AQP2: variants seen among roughly 807,000 people sequenced by gnomAD.
AQP2 encodes the protein aquaporin-2.
In AQP2, 20 loss-of-function variants were observed where a neutral mutation model predicts 21.6. That is an observed-to-expected ratio of 0.92 (90% CI 0.65 to 1.34). The LOEUF is 1.34. AQP2 is among the 40% of genes most tolerant of loss of function. The probability of loss-of-function intolerance (pLI) is 0.00; values close to 1 mark genes in which losing one functional copy is unlikely to be tolerated. For synonymous variants in AQP2, 168 were observed against 166.9 expected, an observed-to-expected ratio of 1.01 and a Z score of -0.05; for missense variants, 325 against 363.4, an observed-to-expected ratio of 0.89 and a Z score of 0.86.
In AQP2 at chr12:49,955,755, C is replaced by T; in HGVS notation, c.*147C>T. ...CTGGACGTGCGCGCCCAGGCCAGTG[C>T]TGTGAGCAGGCGGGGAGGAGGCTGC... On this transcript the variant is annotated 3_prime_UTR_variant, in exon 4 of 4. Transcript: ENST00000199280. 2 of 1,115,928 alleles carry T rather than the reference C, an allele frequency of 1.8e-6. No homozygotes were observed. The highest frequency in any genetic ancestry group is 1.3e-6 in the Non-Finnish European group (1 of 766,502). 69.1% of individuals were successfully genotyped at this position (1,115,928 alleles called of 1,614,324 possible). A position where few individuals can be genotyped will look rare whatever the true frequency, so the allele number is the denominator to read the frequency against.
chr12:49,950,780 G>C lies in AQP2; in HGVS notation c.-51G>C. 3.2e-6 allele frequency: 5 copies of C among 1,585,428 alleles called. No homozygotes were observed. Among genetic ancestry groups the C allele is most frequent in the Non-Finnish European group, 4.3e-6 (5 of 1,163,164 alleles). ...CGATAGAGTGCGAGAGCGAGTGCCC[G>C]GAGCATCCTGGCCCTGAGACAGCTG... On this transcript the variant is annotated 5_prime_UTR_variant, in exon 1 of 4. Coordinates refer to ENST00000199280, the MANE Select transcript of AQP2 (RefSeq NM_000486.6).
rs1305584258 is a variant in AQP2, at chr12:49,955,790, C to T, written c.*182C>T. 1.2e-5 allele frequency: 10 copies of T among 857,076 alleles called. No homozygotes were observed. The highest frequency in any genetic ancestry group is 1.9e-5 in the Non-Finnish European group (10 of 529,812). 53.1% of individuals were successfully genotyped at this position (857,076 alleles called of 1,614,324 possible). On this transcript the variant is annotated 3_prime_UTR_variant, in exon 4 of 4. Coordinates refer to ENST00000199280, the MANE Select transcript of AQP2 (RefSeq NM_000486.6). ...GCGGGGAGGAGGCTGCCGGAGGGAG[C>T]CCTGAGCCTGGCAGGTCCCCTGCCC...
chr12:49,955,584 C>G lies in AQP2; in HGVS notation c.792C>G (p.Ser264Arg). ...CGGTGGAGCTGCACTCGCCGCAGAGCCTGCCACGGGGTACCAAGGCCTGAG... is the reference window on the plus strand; with the variant it reads ...CGGTGGAGCTGCACTCGCCGCAGAGGCTGCCACGGGGTACCAAGGCCTGAG... Reference protein sequence around the residue: ...RQSVELHSPQSLPRGTKA With the variant: ...RQSVELHSPQRLPRGTKA Residue 264 changes from serine to arginine, a missense_variant, in exon 4 of 4, where the codon AGC becomes AGG. Physicochemically the swap from Ser to Arg is moderately radical, Grantham distance 110 (BLOSUM62 -1). Transcript: ENST00000199280. 1 of 1,580,216 alleles carries G rather than the reference C, an allele frequency of 6.3e-7. No homozygotes were observed. The highest frequency in any genetic ancestry group is 1.8e-5 in the Admixed American group (1 of 56,648).
In AQP2 at chr12:49,951,144, A is replaced by G; in HGVS notation, c.314A>G (p.His105Arg). The change falls in exon 1 of 4, where the codon CAT (histidine) becomes CGT (arginine). Residue 105 changes from histidine (H) to arginine (R), a missense_variant. Physicochemically the swap from His to Arg is conservative, Grantham distance 29 (BLOSUM62 0). Coordinates refer to ENST00000199280, the MANE Select transcript of AQP2 (RefSeq NM_000486.6). ...LGAVAGAALL[H>R]EITPADIRGD... ...GCTGTGGCCGGAGCCGCTCTGCTCC[A>G]TGAGATCACGCCAGCAGACATCCGC... The G allele has an allele frequency of 1.2e-6, 2 of 1,606,242 alleles. No individual in the cohort carries two copies. The highest frequency in any genetic ancestry group is 1.7e-6 in the Non-Finnish European group (2 of 1,174,950).
In AQP2 at chr12:49,954,621, C is replaced by A. The variant is rs1802856595; in HGVS notation, c.526-9C>A. On this transcript the variant is annotated splice_polypyrimidine_tract_variant and intron_variant, in intron 2 of 3. Coordinates refer to ENST00000199280, the MANE Select transcript of AQP2 (RefSeq NM_000486.6). ...CCCTTCTCTCTTTGATGCCCTCCTC[C>A]CACTGCAGATCCATTACACCGGCTG... is the stretch of plus-strand genomic sequence containing the variant. The A allele has an allele frequency of 6.2e-7, 1 of 1,613,998 alleles. No homozygotes were observed. The highest frequency in any genetic ancestry group is 8.5e-7 in the Non-Finnish European group (1 of 1,179,934).
chr12:49,951,351 C>G (rs536384802), intron 1 of AQP2, among the ~76,000 whole-genome samples, 161 bp downstream of exon 1: 1 of 152,244 alleles, frequency 6.6e-6, no homozygotes, highest in South Asian at 2.1e-4. Context: ...ATAGGAGGGT[C>G]AGGATGAAAG....
intron 1 of AQP2, among the ~76,000 whole-genome samples, chr12:49,952,937 A>G (rs1019730248): frequency 1.3e-5 from 2 of 152,214 alleles, no homozygotes; most frequent in African/African-American, 4.8e-5. Flanking sequence ...GTACAACGCT[A>G]TAAGGGAAAT....
intron 2 of AQP2, 43 bp from the exon 3 acceptor site, chr12:49,954,587 T>G: frequency 6.2e-7 from 1 of 1,605,432 alleles, no homozygotes; most frequent in Non-Finnish European, 8.5e-7. Flanking sequence ...TCCTGCCCTG[T>G]CCTCACCTCC....
chr12:49,952,183 C>G (rs915477287), intron 1 of AQP2: 2 of 152,236 alleles, frequency 1.3e-5, no homozygotes, highest in African/African-American at 4.8e-5. Flanking sequence ...GGCTGGAGTG[C>G]AATGGTACAA....
At chr12:49,953,530 C>A (rs1289652756) in intron 1 of AQP2, among the ~76,000 whole-genome samples, 1 of 152,172 alleles carries the variant, frequency 6.6e-6, no homozygotes, top group Non-Finnish European at 1.5e-5. Flanking sequence ...CCCCAACCTC[C>A]ATAGGATGTG....
chr12:49,955,861 GA>G lies in AQP2; in HGVS notation c.*255del. 1.5e-6 allele frequency: 1 copy of G among 648,954 alleles called. No homozygotes were observed. Among genetic ancestry groups the G allele is most frequent in the Non-Finnish European group, 2.8e-6 (1 of 361,642 alleles). The allele number at this position is 648,954 out of a possible 1,614,324, so 40.2% of individuals were successfully genotyped here. On this transcript the variant is annotated 3_prime_UTR_variant, in exon 4 of 4. Coordinates refer to ENST00000199280, the MANE Select transcript of AQP2 (RefSeq NM_000486.6). ...GGTGGCTTCTCCAGCCTTTTTCAGG[GA>G]ACTGGGAACTTAGGGGACTGAGCTG...
rs1650524441 is a variant in AQP2, at chr12:49,954,577, T to C, written c.526-53T>C. ...AGCACTGCAGTGCGGGACAAGGACTTCCTGCCCTGTCCTCACCTCCCTTCT... is the reference window on the plus strand; with the variant it reads ...AGCACTGCAGTGCGGGACAAGGACTCCCTGCCCTGTCCTCACCTCCCTTCT... On this transcript the variant is annotated intron_variant, in intron 2 of 3. Transcript: ENST00000199280. 1.9e-6 allele frequency: 3 copies of C among 1,589,818 alleles called. 1 individual carries two copies. In the South Asian group the frequency reaches 3.3e-5, roughly 18 times the overall value.
intron 3 of AQP2, 102 bp from the exon 4 acceptor site, chr12:49,955,297 C>T: frequency 6.9e-6 from 8 of 1,157,928 alleles, no homozygotes; most frequent in Middle Eastern, 2.8e-4. Context: ...AGATTAATGT[C>T]GGGGAGGAGA....
Position 49,956,076 on chromosome 12 carries a change from G to C in AQP2, c.*468G>C, listed in dbSNP as rs1947368113. 4.2e-6 allele frequency: 1 copy of C among 238,502 alleles called. No individual in the cohort carries two copies. Among genetic ancestry groups the C allele is most frequent in the African/African-American group, 2.3e-5 (1 of 43,824 alleles). 14.8% of individuals were successfully genotyped at this position (238,502 alleles called of 1,614,324 possible). A position where few individuals can be genotyped will look rare whatever the true frequency, so the allele number is the denominator to read the frequency against. On this transcript the variant is annotated 3_prime_UTR_variant, in exon 4 of 4. Transcript: ENST00000199280. Reference sequence around the variant, plus strand: ...TGCAGAGTTGTGCATGCCCCTGAGTGTGAACAGGTTTGCCTACGTTGGTGC... The same window carrying C: ...TGCAGAGTTGTGCATGCCCCTGAGTCTGAACAGGTTTGCCTACGTTGGTGC...
In AQP2 at chr12:49,954,191, G is replaced by A; in HGVS notation, c.397G>A (p.Val133Met). 1.9e-6 allele frequency: 3 copies of A among 1,601,414 alleles called. No individual in the cohort carries two copies. The highest frequency in any genetic ancestry group is 1.7e-6 in the Non-Finnish European group (2 of 1,179,954). ...CACGACGGCTGGCCAGGCGGTGACTGTGGAGCTCTTCCTGACACTGCAGCT... is the reference window on the plus strand; with the variant it reads ...CACGACGGCTGGCCAGGCGGTGACTATGGAGCTCTTCCTGACACTGCAGCT... ...NSTTAGQAVT[V>M]ELFLTLQLVL... The change falls in exon 2 of 4, where the codon GTG becomes ATG. Residue 133 changes from valine to methionine, a missense_variant. Transcript: ENST00000199280.
intron 3 of AQP2, among the ~76,000 whole-genome samples, chr12:49,954,948 G>T (rs1251479389): frequency 6.6e-6 from 1 of 152,232 alleles, no homozygotes; most frequent in African/African-American, 2.4e-5. Context: ...AACAGTAAGT[G>T]AGGTTACCGG....
chr12:49,953,604 G>A (rs1947344899), intron 1 of AQP2, among the ~76,000 whole-genome samples: 1 of 152,200 alleles, frequency 6.6e-6, no homozygotes, highest in Non-Finnish European at 1.5e-5. Flanking sequence ...ACAAGGGTTA[G>A]GGAAAGAGGT....
chr12:49,951,419 G>A, intron 1 of AQP2: 1 of 651,406 alleles, frequency 1.5e-6, no homozygotes, highest in Non-Finnish European at 2.5e-6. Context: ...CTTCCACCCT[G>A]ACCGTCGTGC....
chr12:49,955,458 G>C lies in AQP2; in HGVS notation c.666G>C (p.Val222=), dbSNP rs745385528. Residue 222 remains valine (V), a synonymous_variant, in exon 4 of 4, where the codon GTG becomes GTC. Transcript: ENST00000199280. The part of the protein sequence containing the change: ...AILGSLLYNY[V]LFPPAKSLSE... ...TGGGCTCCCTCCTCTACAACTACGTGCTGTTTCCGCCAGCCAAGAGCCTGT... is the reference window on the plus strand; with the variant it reads ...TGGGCTCCCTCCTCTACAACTACGTCCTGTTTCCGCCAGCCAAGAGCCTGT... The C allele has an allele frequency of 6.2e-7, 1 of 1,612,848 alleles. No individual in the cohort carries two copies. Among genetic ancestry groups the C allele is most frequent in the Admixed American group, 1.7e-5 (1 of 60,026 alleles).
Sources: allele counts gnomAD v4.1 joint callset (sites outside exome capture counted in the v4.1 genomes callset), GRCh38; gene constraint gnomAD v4.1.1; transcripts MANE v1.5; gene names NCBI Gene and HGNC (gene_info 2026-07-23, HGNC 2026-07-21).